Variants in CCDC13 observed in about 807,000 individuals in gnomAD.
CCDC13 encodes coiled-coil domain containing 13.
In CCDC13, 70 loss-of-function variants were observed where a neutral mutation model predicts 87.3. The ratio of observed to expected loss-of-function variants is 0.80; its 90% CI spans 0.66 to 0.98. CCDC13 has a LOEUF of 0.98. CCDC13 is among the 50% of genes least tolerant of loss of function. The probability of loss-of-function intolerance (pLI) is 0.00; values close to 1 mark genes in which losing one functional copy is unlikely to be tolerated. For synonymous variants in CCDC13, 317 were observed against 360.3 expected (o/e 0.88, Z 1.36); for missense variants, 842 against 892.0 (o/e 0.94, Z 0.71).
rs1258604025 is a variant in CCDC13, at chr3:42,772,287, AAAAG to A, written c.-7+885_-7+888del. On this transcript the variant is annotated intron_variant, in intron 1 of 15. Transcript: ENST00000310232. ...TCCGTCAAAAAAAAAAAAAAAAAAA[AAAAG>A]TAATAATAAAAAAAATAAAGTAAAG... is the stretch of plus-strand genomic sequence containing the variant. 1.5e-3 allele frequency among the ~76,000 whole-genome samples: 110 copies of A among 75,652 alleles called. 1 individual carries two copies. The highest frequency in any genetic ancestry group is 1.0e-3 in the Admixed American group (6 of 5,966). The allele number at this position is 75,652 out of a possible 152,430, so 49.6% of individuals were successfully genotyped here.
intron 1 of CCDC13, among the ~76,000 whole-genome samples, chr3:42,762,835 G>C (rs1456906837): frequency 1.3e-5 from 2 of 152,172 alleles, no homozygotes; most frequent in Non-Finnish European, 2.9e-5. Flanking sequence ...TGTAATCCCA[G>C]CACTTTGGAA....
intron 3 of CCDC13, among the ~76,000 whole-genome samples, chr3:42,753,163 A>G (rs532892379): frequency 4.6e-4 from 70 of 152,324 alleles, no homozygotes; most frequent in African/African-American, 1.6e-3. Context: ...CAGATAAGGT[A>G]GAGGCTTGAA....
chr3:42,717,196 C>G (rs531981156), intron 13 of CCDC13, among the ~76,000 whole-genome samples: 6 of 152,150 alleles, frequency 3.9e-5, no homozygotes, highest in African/African-American at 1.4e-4. Flanking sequence ...GAGGCTGAAG[C>G]GGGTGGATCA....
At position 42,747,316 on chromosome 3, in the gene CCDC13, T is replaced by C. The variant is rs573869585; in HGVS notation, c.661A>G (p.Met221Val). ...QDRLVATNLKMSDLRNQIQSV... is the reference protein window; with the variant it reads ...QDRLVATNLKVSDLRNQIQSV... ...TGGATCTGGTTTCGGAGGTCACTCA[T>C]CTTCAAGTTGGTGGCCACCAGCCTG... Residue 221 changes from methionine (M) to valine (V), a missense_variant, in exon 6 of 16, where the codon ATG becomes GTG. Transcript: ENST00000310232. 1.2e-6 allele frequency: 2 copies of C among 1,614,136 alleles called. No individual in the cohort carries two copies. The highest frequency in any genetic ancestry group is 1.3e-5 in the African/African-American group (1 of 75,052).
At chr3:42,705,444 G>A (rs750445344), downstream of CCDC13, among the ~76,000 whole-genome samples, 5 of 152,304 alleles carry the variant, frequency 3.3e-5, no homozygotes, top group East Asian at 3.9e-4. Flanking sequence ...GCCAAACTAC[G>A]TCCACAGCTC....
Position 42,733,627 on chromosome 3 carries a change from G to T in CCDC13, c.1372-18C>A. Reference sequence around the variant, plus strand: ...CGAAGATACTGTAGGAACAGATGTGGGTTCCATCCTCAGGGCTTTGGCTCA... The same window carrying T: ...CGAAGATACTGTAGGAACAGATGTGTGTTCCATCCTCAGGGCTTTGGCTCA... On this transcript the variant is annotated intron_variant, in intron 10 of 15. Coordinates refer to ENST00000310232, the MANE Select transcript of CCDC13 (RefSeq NM_144719.4). 6.3e-7 allele frequency: 1 copy of T among 1,581,148 alleles called. No individual in the cohort carries two copies. The highest frequency in any genetic ancestry group is 1.4e-5 in the African/African-American group (1 of 73,440).
At position 42,709,152 on chromosome 3, in the gene CCDC13, A is replaced by G; in HGVS notation, c.1989-13T>C. 1 of 1,605,606 alleles carries G rather than the reference A, an allele frequency of 6.2e-7. No homozygotes were observed. Among genetic ancestry groups the G allele is most frequent in the South Asian group, 1.1e-5 (1 of 89,670 alleles). On this transcript the variant is annotated splice_polypyrimidine_tract_variant and intron_variant, in intron 15 of 15. Coordinates refer to ENST00000310232, the MANE Select transcript of CCDC13 (RefSeq NM_144719.4). Reference sequence around the variant, plus strand: ...CTGGATGGCCAGCCTGGACCACAGGAGACAGTGCTCAGTGTGGCTGGAGCT... The same window carrying G: ...CTGGATGGCCAGCCTGGACCACAGGGGACAGTGCTCAGTGTGGCTGGAGCT...
intron 13 of CCDC13, among the ~76,000 whole-genome samples, chr3:42,724,670 T>G (rs188932003): frequency 3.1e-4 from 47 of 152,354 alleles, no homozygotes; most frequent in African/African-American, 1.0e-3. Flanking sequence ...TTTGAAAGAT[T>G]TACCTTTTTG....
chr3:42,753,904 G>A (rs1159514703), intron 3 of CCDC13, among the ~76,000 whole-genome samples: 1 of 152,182 alleles, frequency 6.6e-6, no homozygotes, highest in African/African-American at 2.4e-5. Context: ...GTGGCTGGAG[G>A]ATGTGAATGG....
At chr3:42,717,829 T>C (rs1221655943) in intron 13 of CCDC13, 1 of 152,244 alleles carries the variant, frequency 6.6e-6, no homozygotes, top group African/African-American at 2.4e-5. Flanking sequence ...TAGCAGAAGT[T>C]AGTCCCCTGT....
At chr3:42,716,591 TCAA>T (rs1474690119) in intron 13 of CCDC13, among the ~76,000 whole-genome samples, 1 of 152,130 alleles carries the variant, frequency 6.6e-6, no homozygotes, top group African/African-American at 2.4e-5. Context: ...AAATAGATGC[TCAA>T]CATCATTAGC....
intron 6 of CCDC13, chr3:42,746,339 C>A: frequency 3.2e-6 from 1 of 314,538 alleles, no homozygotes; most frequent in East Asian, 6.4e-5. Flanking sequence ...TGACCAACTC[C>A]TGCTTCCTTA....
intron 1 of CCDC13, among the ~76,000 whole-genome samples, chr3:42,772,528 T>C (rs546487766): frequency 4.6e-5 from 7 of 152,214 alleles, no homozygotes; most frequent in African/African-American, 1.4e-4. Flanking sequence ...CTCCTTCTCT[T>C]TCTTCTTTTC....
chr3:42,722,269 G>A (rs910714940), intron 13 of CCDC13, among the ~76,000 whole-genome samples: 5 of 152,118 alleles, frequency 3.3e-5, no homozygotes, highest in Admixed American at 6.5e-5. Flanking sequence ...TATTCAGCCT[G>A]GAGAAGTTAC....
chr3:42,735,411 T>C (rs1022970394), intron 10 of CCDC13, among the ~76,000 whole-genome samples: 3 of 152,176 alleles, frequency 2.0e-5, no homozygotes, highest in Non-Finnish European at 2.9e-5. Context: ...TCTTGAATCC[T>C]GAGGATAAGG....
intron 13 of CCDC13, 45 bp from the exon 14 acceptor site, chr3:42,713,361 G>T (rs1395050384): frequency 6.2e-7 from 1 of 1,603,902 alleles, no homozygotes; most frequent in East Asian, 2.2e-5. Flanking sequence ...TGGCAGGCAG[G>T]GGCAGGCCCT....
At chr3:42,740,058 C>A (rs1699164702) in intron 8 of CCDC13, among the ~76,000 whole-genome samples, 1 of 152,158 alleles carries the variant, frequency 6.6e-6, no homozygotes, top group African/African-American at 2.4e-5. Context: ...GCACTCCTAA[C>A]CTCAGCCTGA....
intron 13 of CCDC13, among the ~76,000 whole-genome samples, chr3:42,728,301 A>G (rs60077787): frequency 6.6e-6 from 1 of 152,166 alleles, no homozygotes; most frequent in East Asian, 1.9e-4. Flanking sequence ...AGCACACAGG[A>G]TTAGGGAACT....
At chr3:42,752,280 T>C (rs902207676) in intron 4 of CCDC13, among the ~76,000 whole-genome samples, 3 of 152,126 alleles carry the variant, frequency 2.0e-5, no homozygotes, top group East Asian at 1.9e-4. Context: ...TAAATAATAA[T>C]GGTACACTTA....
Sources: gnomAD v4.1 joint callset for allele counts (sites outside exome capture counted in the v4.1 genomes callset) on GRCh38, gnomAD v4.1.1 for gene constraint, MANE v1.5 for transcripts, NCBI Gene and HGNC (gene_info 2026-07-23, HGNC 2026-07-21) for gene names.